Variants in CLIC2 observed in about 807,000 individuals in gnomAD.
The protein encoded by CLIC2 is CLIC family member 2, also known as chloride intracellular channel protein 2.
In CLIC2, 9 loss-of-function variants were observed where a neutral mutation model predicts 14.8. That is an observed-to-expected ratio of 0.61 (90% confidence interval 0.37 to 1.06). The LOEUF is 1.06. CLIC2 is among the 50% of genes least tolerant of loss of function. The pLI is 0.01. For missense variants in CLIC2, 148 were observed against 181.4 expected (o/e 0.82, Z 1.06); for synonymous variants, 61 against 66.3 (o/e 0.92, Z 0.39).
At chrX:155,306,432 T>C (rs782695363) in intron 1 of CLIC2, among the ~76,000 whole-genome samples, 3 of 111,964 alleles carry the variant, frequency 2.7e-5, no homozygotes, top group Admixed American at 1.9e-4. Flanking sequence ...TTGTAATATC[T>C]GCAGAACTAT....
intron 3 of CLIC2, among the ~76,000 whole-genome samples, chrX:155,284,275 T>C (rs1337244797): frequency 4.3e-5 from 4 of 93,633 alleles, no homozygotes; most frequent in Non-Finnish European, 6.6e-5. Flanking sequence ...TTTTTTGAGA[T>C]GGAGTTTTGC....
intron 1 of CLIC2, among the ~76,000 whole-genome samples, chrX:155,333,103 GAA>G (rs1301330987): frequency 8.9e-6 from 1 of 111,945 alleles, no homozygotes; most frequent in Admixed American, 9.5e-5. Context: ...TTACAATTTT[GAA>G]AAGACAGGTT....
intron 1 of CLIC2, among the ~76,000 whole-genome samples, chrX:155,312,666 T>C (rs1259912516): frequency 2.7e-5 from 3 of 112,073 alleles, no homozygotes; most frequent in Non-Finnish European, 5.6e-5. Context: ...TGTGATTCCA[T>C]ATGAATTTTA....
At chrX:155,317,169 G>C (rs1301680602) in intron 1 of CLIC2, among the ~76,000 whole-genome samples, 1 of 111,349 alleles carries the variant, frequency 9.0e-6, no homozygotes, top group African/African-American at 3.3e-5. Context: ...AGAAACAAAA[G>C]CAATCCAAAC....
intron 1 of CLIC2, among the ~76,000 whole-genome samples, chrX:155,300,190 C>T (rs2075011184): frequency 9.1e-6 from 1 of 109,928 alleles, no homozygotes; most frequent in African/African-American, 3.3e-5. Flanking sequence ...TACAGTCCCA[C>T]CAACAGTGTA....
At chrX:155,295,205 G>T in intron 3 of CLIC2, among the ~76,000 whole-genome samples, 1 of 111,409 alleles carries the variant, frequency 9.0e-6, no homozygotes, top group Non-Finnish European at 1.9e-5. Flanking sequence ...ATACAAGAAT[G>T]GTTCAACATG....
At chrX:155,317,438 G>A (rs2075098977) in intron 1 of CLIC2, among the ~76,000 whole-genome samples, 1 of 111,545 alleles carries the variant, frequency 9.0e-6, no homozygotes, top group Admixed American at 9.6e-5. Flanking sequence ...ATCTTTACAT[G>A]CATAAACTAG....
intron 1 of CLIC2, among the ~76,000 whole-genome samples, chrX:155,300,737 C>T (rs1557318961): frequency 1.0e-5 from 1 of 96,900 alleles, no homozygotes; most frequent in Non-Finnish European, 2.1e-5. Context: ...TTTAATCCAT[C>T]TTGAATTGAT....
intron 3 of CLIC2, among the ~76,000 whole-genome samples, chrX:155,281,141 C>G (rs185705437): frequency 9.2e-6 from 1 of 108,463 alleles, no homozygotes; most frequent in African/African-American, 3.3e-5. Context: ...TCCATGATCT[C>G]ACTTATGTGT....
rs2074899101 is a variant in CLIC2, at chrX:155,276,545, T to C, written c.*1358A>G. The C allele has an allele frequency of 1.8e-5, 2 of 111,719 alleles. No homozygotes were observed. Among genetic ancestry groups the C allele is most frequent in the African/African-American group, 3.2e-5 (1 of 30,784 alleles). The allele number at this position is 111,719 out of a possible 1,213,427, so 9.2% of individuals were successfully genotyped here. A position where few individuals can be genotyped will look rare whatever the true frequency, so the allele number is the denominator to read the frequency against. ...CCTTCTTTCTCTCCCTAGCCCCTGG[T>C]AACCACGATTCTACCCTCTACTTGT... On this transcript the variant is annotated 3_prime_UTR_variant, in exon 6 of 6. Transcript: ENST00000369449.
Position 155,319,663 on chromosome X carries a change from GT to G in CLIC2, c.57+14707del, listed in dbSNP as rs1341455146. 5.5e-5 allele frequency among the ~76,000 whole-genome samples: 6 copies of G among 108,574 alleles called. No individual in the cohort carries two copies. The East Asian group carries it at 1.2e-3, about 21-fold the overall frequency. 94.3% of individuals were successfully genotyped at this position (108,574 alleles called of 115,157 possible). A position where few individuals can be genotyped will look rare whatever the true frequency, so the allele number is the denominator to read the frequency against. ...GGCAGACACCAAGCTAGCTGCAGGA[GT>G]TTTTTTTTTCATACCCCAGTGGTGC... On this transcript the variant is annotated intron_variant, in intron 1 of 5. Coordinates refer to ENST00000369449, the MANE Select transcript of CLIC2 (RefSeq NM_001289.6).
In CLIC2 at chrX:155,305,580, C is replaced by T. The variant is rs782474777; in HGVS notation, c.58-6435G>A. On this transcript the variant is annotated intron_variant, in intron 1 of 5. Transcript: ENST00000369449. Reference sequence around the variant, plus strand: ...GCTGTAGACCGGAGCTGTTCCTATTCGGCCATCTTGGCTCCTCCCTCCACC... The same window carrying T: ...GCTGTAGACCGGAGCTGTTCCTATTTGGCCATCTTGGCTCCTCCCTCCACC... Among the ~76,000 whole-genome samples, 12 of 112,585 alleles carry T rather than the reference C, an allele frequency of 1.1e-4. No homozygotes were observed. In the South Asian group the frequency reaches 1.1e-3, roughly 10 times the overall value.
chrX:155,331,104 T>G (rs1030767021), intron 1 of CLIC2, among the ~76,000 whole-genome samples: 7 of 110,701 alleles, frequency 6.3e-5, no homozygotes, highest in Admixed American at 5.8e-4. Flanking sequence ...CCTTACCAGC[T>G]GCATTTGTTT....
In CLIC2 at chrX:155,302,996, C is replaced by G. The variant is rs1429469011; in HGVS notation, c.58-3851G>C. Among the ~76,000 whole-genome samples the G allele has an allele frequency of 1.1e-4, 10 of 93,476 alleles. 1 individual carries two copies. The highest frequency in any genetic ancestry group is 3.7e-4 in the African/African-American group (10 of 26,691). 81.2% of individuals were successfully genotyped at this position (93,476 alleles called of 115,157 possible). A position where few individuals can be genotyped will look rare whatever the true frequency, so the allele number is the denominator to read the frequency against. On this transcript the variant is annotated intron_variant, in intron 1 of 5. Coordinates refer to ENST00000369449, the MANE Select transcript of CLIC2 (RefSeq NM_001289.6). ...GCATTTGCTGAGGAGAGCTTTACTT[C>G]CCAGTATGTGGTCAATTTTGGAATA... is the stretch of plus-strand genomic sequence containing the variant.
At chrX:155,302,100 A>C (rs1182310953) in intron 1 of CLIC2, among the ~76,000 whole-genome samples, 1 of 104,666 alleles carries the variant, frequency 9.6e-6, no homozygotes, top group African/African-American at 3.5e-5. Flanking sequence ...TCATAAAATG[A>C]GTTAGGGAGG....
intron 3 of CLIC2, among the ~76,000 whole-genome samples, chrX:155,284,548 C>T (rs1315958132): frequency 9.0e-6 from 1 of 111,609 alleles, no homozygotes; most frequent in Non-Finnish European, 1.9e-5. Context: ...CATGAGCCAC[C>T]GCGCCTGGCC....
intron 3 of CLIC2, among the ~76,000 whole-genome samples, chrX:155,284,359 A>G (rs2074933292): frequency 9.4e-6 from 1 of 106,855 alleles, no homozygotes; most frequent in South Asian, 4.2e-4. Flanking sequence ...TCCCAGGTTC[A>G]AGCGATTCTC....
At chrX:155,327,735 T>C (rs966855914) in intron 1 of CLIC2, among the ~76,000 whole-genome samples, 1 of 111,153 alleles carries the variant, frequency 9.0e-6, no homozygotes, top group Non-Finnish European at 1.9e-5. Context: ...GACACAAGTT[T>C]ACCTAAATAA....
chrX:155,301,370 CT>C (rs2075017289), intron 1 of CLIC2, among the ~76,000 whole-genome samples: 1 of 110,505 alleles, frequency 9.0e-6, no homozygotes, highest in Admixed American at 9.7e-5. Flanking sequence ...CATGATTTGG[CT>C]CTCTGTTTGT....
Sources: allele counts gnomAD v4.1 joint callset (sites outside exome capture counted in the v4.1 genomes callset), GRCh38; gene constraint gnomAD v4.1.1; transcripts MANE v1.5; gene names NCBI Gene and HGNC (gene_info 2026-07-23, HGNC 2026-07-21).